Variants in PCDHA9 observed in about 807,000 individuals in gnomAD.
PCDHA9 encodes protocadherin alpha-9.
Under a neutral mutation model 62.0 loss-of-function variants are expected in PCDHA9, and 62 were observed. That is an observed-to-expected ratio of 1.00 (90% confidence interval 0.81 to 1.23). PCDHA9 has a LOEUF of 1.23. PCDHA9 is among the 50% of genes most tolerant of loss of function. The probability of loss-of-function intolerance (pLI) is 0.00; values close to 1 mark genes in which losing one functional copy is unlikely to be tolerated. For missense variants in PCDHA9, 1,205 were observed against 1,249.8 expected (o/e 0.96, Z 0.54); for synonymous variants, 557 against 567.6 (o/e 0.98, Z 0.27).
intron 1 of PCDHA9, chr5:140,884,290 A>G: frequency 6.2e-7 from 1 of 1,613,642 alleles, no homozygotes; most frequent in Non-Finnish European, 8.5e-7. Flanking sequence ...AGAGCGGCCA[A>G]GCGCCACAGG....
chr5:140,978,841 T>G, intron 1 of PCDHA9, 108 bp from the exon 2 acceptor site: 1 of 1,563,056 alleles, frequency 6.4e-7, no homozygotes, highest in Non-Finnish European at 8.7e-7. Context: ...ATTCAATACT[T>G]TTTTAGATGC....
At chr5:140,942,838 A>G (rs2093377015) in intron 1 of PCDHA9, among the ~76,000 whole-genome samples, 1 of 152,198 alleles carries the variant, frequency 6.6e-6, no homozygotes, top group Non-Finnish European at 1.5e-5. Context: ...GTCAATAAAA[A>G]TTCCAGTAAG....
At chr5:140,894,904 A>G (rs1422978967) in intron 1 of PCDHA9, among the ~76,000 whole-genome samples, 1 of 152,168 alleles carries the variant, frequency 6.6e-6, no homozygotes, top group Non-Finnish European at 1.5e-5. Context: ...TAATTTTCCT[A>G]TCTTTGTTGC....
At chr5:140,854,271 A>C in intron 1 of PCDHA9, 5 of 574,086 alleles carry the variant, frequency 8.7e-6, no homozygotes, top group Non-Finnish European at 1.1e-5. Context: ...CATTAGTAGA[A>C]ATTGAGTTTA....
rs185756096 is a variant in PCDHA9, at chr5:140,914,471, T to C, written c.2394+63582T>C. On this transcript the variant is annotated intron_variant, in intron 1 of 3. Coordinates refer to ENST00000532602, the MANE Select transcript of PCDHA9 (RefSeq NM_031857.2). The stretch of plus-strand genomic sequence containing the variant: ...ATTTTCCAGTCTATGTGTATCTTCA[T>C]AGGTGAAGTGTTTCTTGTGGGCAAC... Among the ~76,000 whole-genome samples the C allele has an allele frequency of 2.9e-3, 442 of 152,310 alleles. 1 individual carries two copies. Among genetic ancestry groups the C allele is most frequent in the African/African-American group, 0.01 (423 of 41,574 alleles).
At position 140,892,541 on chromosome 5, in the gene PCDHA9, T is replaced by C. The variant is rs192378744; in HGVS notation, c.2394+41652T>C. Among the ~76,000 whole-genome samples, 471 of 152,362 alleles carry C rather than the reference T, an allele frequency of 3.1e-3. 2 individuals are homozygous for C. Among genetic ancestry groups the C allele is most frequent in the African/African-American group, 0.011 (438 of 41,580 alleles). On this transcript the variant is annotated intron_variant, in intron 1 of 3. Coordinates refer to ENST00000532602, the MANE Select transcript of PCDHA9 (RefSeq NM_031857.2). ...CTGGTAGACTCAGGATTCTGACTTTTGTTTCTCTAGTCCTTGGAGACTGTC... is the reference window on the plus strand; with the variant it reads ...CTGGTAGACTCAGGATTCTGACTTTCGTTTCTCTAGTCCTTGGAGACTGTC...
Position 140,849,638 on chromosome 5 carries a change from C to T in PCDHA9, c.1143C>T (p.Ala381=), listed in dbSNP as rs2041012069. 6.3e-7 allele frequency: 1 copy of T among 1,598,650 alleles called. No homozygotes were observed. The highest frequency in any genetic ancestry group is 1.3e-5 in the African/African-American group (1 of 74,370). Residue 381 remains alanine, a synonymous_variant, in exon 1 of 4, where the codon GCC becomes GCT. Coordinates refer to ENST00000532602, the MANE Select transcript of PCDHA9 (RefSeq NM_031857.2). The part of the protein sequence containing the change: ...LISVIDLDAD[A]NGQVTCSLTP... ...GTGTGATCGACCTAGACGCAGATGC[C>T]AACGGGCAGGTTACCTGCTCCCTGA...
At chr5:140,883,030 C>T (rs1554176556) in intron 1 of PCDHA9, 1 of 1,614,058 alleles carries the variant, frequency 6.2e-7, no homozygotes, top group Non-Finnish European at 8.5e-7. Context: ...TGTTAGAGAA[C>T]GCCTTCAATG....
chr5:140,863,075 C>A (rs546237964), intron 1 of PCDHA9: 2 of 569,532 alleles, frequency 3.5e-6, no homozygotes, highest in South Asian at 1.4e-5. Context: ...GGGCTCTGCA[C>A]GGGCGAGATC....
intron 1 of PCDHA9, chr5:140,858,086 C>T (rs1554151138): frequency 6.3e-7 from 1 of 1,597,802 alleles, no homozygotes; most frequent in Admixed American, 1.7e-5. Flanking sequence ...GGCCTCGTCG[C>T]GGGCTTCAGT....
chr5:140,969,351 G>A (rs1554231714), intron 1 of PCDHA9: 1 of 1,612,990 alleles, frequency 6.2e-7, no homozygotes, highest in Non-Finnish European at 8.5e-7. Flanking sequence ...TGGTCAGGGG[G>A]TCTTCTACAA....
intron 1 of PCDHA9, among the ~76,000 whole-genome samples, chr5:140,962,596 T>C (rs2095694957): frequency 6.6e-6 from 1 of 152,218 alleles, no homozygotes; most frequent in South Asian, 2.1e-4. Flanking sequence ...TTGACTGATA[T>C]ATTTCTTCTG....
intron 1 of PCDHA9, among the ~76,000 whole-genome samples, chr5:140,953,965 G>A (rs1554221174): frequency 6.6e-6 from 1 of 152,024 alleles, no homozygotes; most frequent in Non-Finnish European, 1.5e-5. Flanking sequence ...GCCCCAGTGT[G>A]TGTTGTTCCC....
chr5:140,952,923 C>CAGGA (rs1455819119), intron 1 of PCDHA9, among the ~76,000 whole-genome samples: 1 of 151,990 alleles, frequency 6.6e-6, no homozygotes, highest in Non-Finnish European at 1.5e-5. Flanking sequence ...ATGGCATGAG[C>CAGGA]AGGAGCAGGA....
rs2098420803 is a variant in PCDHA9, at chr5:141,011,492, A to G, written c.*1555A>G. 1 of 153,698 alleles carries G rather than the reference A, an allele frequency of 6.5e-6. No individual in the cohort carries two copies. Among genetic ancestry groups the G allele is most frequent in the African/African-American group, 2.4e-5 (1 of 41,432 alleles). 9.5% of individuals were successfully genotyped at this position (153,698 alleles called of 1,614,324 possible). A position where few individuals can be genotyped will look rare whatever the true frequency, so the allele number is the denominator to read the frequency against. On this transcript the variant is annotated 3_prime_UTR_variant, in exon 4 of 4. Transcript: ENST00000532602. ...AATTCCATTATATTTCCTTTTGTAC[A>G]CCTGTGAAAAAGTGGAGTAGTGTTT... is the stretch of plus-strand genomic sequence containing the variant.
intron 1 of PCDHA9, among the ~76,000 whole-genome samples, chr5:140,895,085 C>T (rs144485224): frequency 2.0e-5 from 3 of 152,298 alleles, no homozygotes; most frequent in Non-Finnish European, 4.4e-5. Flanking sequence ...AGTTCCTCCT[C>T]AGTATAGGGG....
Position 140,938,882 on chromosome 5 carries a change from C to T in PCDHA9, c.2395-40067C>T, listed in dbSNP as rs529115064. On this transcript the variant is annotated intron_variant, in intron 1 of 3. Transcript: ENST00000532602. ...AACTTAAAAGTTAAGAAGCAACACA[C>T]ACACACACAGATGCGCACACACACA... is the stretch of plus-strand genomic sequence containing the variant. Among the ~76,000 whole-genome samples the T allele has an allele frequency of 3.3e-5, 5 of 152,218 alleles. No individual in the cohort carries two copies. The South Asian group carries it at 1.0e-3, about 32-fold the overall frequency.
rs533995955 is a variant in PCDHA9, at chr5:140,975,833, A to T, written c.2395-3116A>T. On this transcript the variant is annotated intron_variant, in intron 1 of 3. Coordinates refer to ENST00000532602, the MANE Select transcript of PCDHA9 (RefSeq NM_031857.2). ...TTAATAGGAACTGAAGTGTATTCTT[A>T]TTCTTCAGTAATACTACATCACCCA... 2.6e-5 allele frequency among the ~76,000 whole-genome samples: 4 copies of T among 152,336 alleles called. No individual in the cohort carries two copies. In the South Asian group the frequency reaches 8.3e-4, roughly 32 times the overall value.
chr5:140,977,266 A>G (rs2096753154), intron 1 of PCDHA9, among the ~76,000 whole-genome samples: 3 of 152,240 alleles, frequency 2.0e-5, no homozygotes, highest in Admixed American at 1.3e-4. Context: ...CAGATGTTAC[A>G]GTCTTTCTCA....
Sources: gnomAD v4.1 joint callset for allele counts (sites outside exome capture counted in the v4.1 genomes callset) on GRCh38, gnomAD v4.1.1 for gene constraint, MANE v1.5 for transcripts, NCBI Gene and HGNC (gene_info 2026-07-23, HGNC 2026-07-21) for gene names.